Variants in DPH6 observed in about 807,000 individuals in gnomAD.
DPH6 encodes the protein diphthine--ammonia ligase.
Under a neutral mutation model 38.2 loss-of-function variants are expected in DPH6, and 33 were observed. That is an observed-to-expected ratio of 0.86 (90% confidence interval 0.65 to 1.15). The LOEUF is 1.15. Ranked by LOEUF, DPH6 falls within the 50% of genes most tolerant of loss-of-function variation. The pLI is 0.00. For synonymous variants in DPH6, 108 were observed against 103.0 expected, an observed-to-expected ratio of 1.05 and a Z score of -0.30; for missense variants, 325 against 320.0, an observed-to-expected ratio of 1.02 and a Z score of -0.12.
At chr15:35,168,700 T>G in the DPH6 span, among the ~76,000 whole-genome samples, 1 of 152,076 alleles carries the variant, frequency 6.6e-6, no homozygotes, top group African/African-American at 2.4e-5. Flanking sequence ...TGAGTATAAT[T>G]TATTCAGAGA....
chr15:35,456,467 A>ATT (rs1483841300), intron 3 of DPH6, among the ~76,000 whole-genome samples: 1 of 146,628 alleles, frequency 6.8e-6, no homozygotes, highest in Non-Finnish European at 1.5e-5. Context: ...CTATATATAT[A>ATT]TATATATTTA....
chr15:35,240,025 T>TAA (rs2051586775), intron 3 of DPH6, among the ~76,000 whole-genome samples: 1 of 142,860 alleles, frequency 7.0e-6, no homozygotes, highest in Admixed American at 7.6e-5. Flanking sequence ...TCTCTGGGCT[T>TAA]GCCTCCTTCA....
At chr15:35,323,794 C>CA (rs2052260183) in intron 3 of DPH6, among the ~76,000 whole-genome samples, 1 of 152,144 alleles carries the variant, frequency 6.6e-6, no homozygotes, top group Non-Finnish European at 1.5e-5. Flanking sequence ...ATTTGCTAAG[C>CA]ATCAGTACTG....
At chr15:35,410,933 C>T in intron 5 of DPH6, 37 bp from the exon 6 acceptor site, 3 of 1,572,404 alleles carry the variant, frequency 1.9e-6, no homozygotes, top group Non-Finnish European at 2.6e-6. Flanking sequence ...AGATAACTAT[C>T]AGATAGGAAC....
chr15:35,262,952 A>AACTCAAAT (rs2051759154), intron 3 of DPH6, among the ~76,000 whole-genome samples: 1 of 152,202 alleles, frequency 6.6e-6, no homozygotes, highest in Non-Finnish European at 1.5e-5. Context: ...TAGAAAATTA[A>AACTCAAAT]ACTCAAATAA....
chr15:35,521,207 G>A lies in DPH6; in HGVS notation c.312+17067C>T, dbSNP rs1407090617. ...GCTCCCTTAAATTATTAATTTATGG[G>A]TTTTGCTTAGTTTCCTCCTAAGGCA... On this transcript the variant is annotated intron_variant, in intron 3 of 8. Transcript: ENST00000256538. The A allele has an allele frequency of 6.1e-6, 6 of 985,342 alleles. No homozygotes were observed. In the East Asian group the frequency reaches 6.8e-4, roughly 112 times the overall value. The allele number at this position is 985,342 out of a possible 1,614,324, so 61.0% of individuals were successfully genotyped here.
the DPH6 span, among the ~76,000 whole-genome samples, chr15:35,154,053 C>T: frequency 6.6e-6 from 1 of 152,114 alleles, no homozygotes; most frequent in Admixed American, 6.5e-5. Flanking sequence ...ATCTGACTTA[C>T]ATAATCAATA....
In DPH6 at chr15:35,267,835, T is replaced by A. The variant is rs117744429; in HGVS notation, n.201-47253A>T. Reference sequence around the variant, plus strand: ...TCCTAGTGCTACCAATATAACCTAATGGAAGCAAAGCAAAACTGTTTGAAT... The same window carrying A: ...TCCTAGTGCTACCAATATAACCTAAAGGAAGCAAAGCAAAACTGTTTGAAT... On this transcript the variant is annotated intron_variant and non_coding_transcript_variant, in intron 3 of 3. Coordinates refer to the DPH6 transcript ENST00000560386. Among the ~76,000 whole-genome samples, 744 of 152,160 alleles carry A rather than the reference T, an allele frequency of 4.9e-3. 3 individuals are homozygous for A. The highest frequency in any genetic ancestry group is 7.1e-3 in the Non-Finnish European group (480 of 67,990).
chr15:35,298,662 C>T (rs1012740171), intron 3 of DPH6: 37 of 1,351,786 alleles, frequency 2.7e-5, no homozygotes, highest in Non-Finnish European at 3.4e-5. Context: ...ACCGAAAAGG[C>T]GGTGCTCAGC....
At chr15:35,176,195 T>C in the DPH6 span, among the ~76,000 whole-genome samples, 1 of 152,250 alleles carries the variant, frequency 6.6e-6, no homozygotes, top group Admixed American at 6.5e-5. Context: ...TAAGGTATTA[T>C]GTATAGTGTT....
rs144633312 is a variant in DPH6, at chr15:35,508,633, T to A, written c.312+29641A>T. Among the ~76,000 whole-genome samples the A allele has an allele frequency of 3.5e-4, 54 of 152,222 alleles. 1 individual carries two copies. The East Asian group carries it at 9.9e-3, about 28-fold the overall frequency. On this transcript the variant is annotated intron_variant, in intron 3 of 8. Transcript: ENST00000256538. ...TACTAATACCTAATCTTGAGCAAGG[T>A]AGGGCTATTTTTTAGCAATAGGATA...
rs139713014 is a variant in DPH6, at chr15:35,252,902, A to C, written n.201-32320T>G. On this transcript the variant is annotated intron_variant and non_coding_transcript_variant, in intron 3 of 3. Transcript: ENST00000560386. ...AAAACTTCAGCAACTTTCTTTATCC[A>C]GTTGAGAAATATACATTAGAGTTGT... is the stretch of plus-strand genomic sequence containing the variant. Among the ~76,000 whole-genome samples the C allele has an allele frequency of 3.1e-3, 471 of 152,342 alleles. 1 individual carries two copies. Among genetic ancestry groups the C allele is most frequent in the African/African-American group, 0.011 (447 of 41,576 alleles).
chr15:35,535,240 A>T (rs1400564932), intron 3 of DPH6, among the ~76,000 whole-genome samples: 2 of 152,196 alleles, frequency 1.3e-5, no homozygotes, highest in African/African-American at 4.8e-5. Context: ...AAAAGGAACA[A>T]CAATCACACC....
rs57530358 is a variant in DPH6 at position 35,397,868 on chromosome 15, TACACACACACAC to T, written c.567+12955_567+12966del. On this transcript the variant is annotated intron_variant, in intron 6 of 8. Transcript: ENST00000256538. ...AATAGATGGAATCAATTTATATATA[TACACACACACAC>T]ACACACACACACACACACACACACA... Among the ~76,000 whole-genome samples, 35 of 87,308 alleles carry T rather than the reference TACACACACACAC, an allele frequency of 4.0e-4. No individual in the cohort carries two copies. In the East Asian group the frequency reaches 7.8e-3, roughly 20 times the overall value. 57.3% of individuals were successfully genotyped at this position (87,308 alleles called of 152,430 possible).
At chr15:35,296,740 T>C (rs183337807) in intron 3 of DPH6, among the ~76,000 whole-genome samples, 1 of 152,270 alleles carries the variant, frequency 6.6e-6, no homozygotes, top group African/African-American at 2.4e-5. Context: ...CCTAGTACTT[T>C]AACTTTCTCT....
chr15:35,386,119 T>C (rs1199545467), intron 6 of DPH6, among the ~76,000 whole-genome samples: 1 of 152,174 alleles, frequency 6.6e-6, no homozygotes, highest in African/African-American at 2.4e-5. Flanking sequence ...GTCCTTGTGA[T>C]AGTTTGCTGA....
intron 3 of DPH6, among the ~76,000 whole-genome samples, chr15:35,249,983 G>A (rs1031750237): frequency 6.0e-5 from 9 of 149,630 alleles, no homozygotes; most frequent in Non-Finnish European, 1.2e-4. Flanking sequence ...CTAACACGGC[G>A]AAACACCATC....
intron 3 of DPH6, among the ~76,000 whole-genome samples, chr15:35,468,594 C>G (rs2054157301): frequency 1.3e-5 from 2 of 152,122 alleles, no homozygotes; most frequent in South Asian, 2.1e-4. Flanking sequence ...AGGAGCTAAA[C>G]ATGAACATAG....
At chr15:35,330,429 G>A (rs938909472), downstream of DPH6, among the ~76,000 whole-genome samples, 1 of 152,106 alleles carries the variant, frequency 6.6e-6, no homozygotes, top group African/African-American at 2.4e-5. Context: ...TCTTGTAAGA[G>A]GGGCAAAGTA....
Sources: allele counts gnomAD v4.1 joint callset (sites outside exome capture counted in the v4.1 genomes callset), GRCh38; gene constraint gnomAD v4.1.1; transcripts MANE v1.5; gene names NCBI Gene and HGNC (gene_info 2026-07-23, HGNC 2026-07-21).